ASTN2: variants seen among roughly 807,000 people sequenced by gnomAD.
ASTN2 encodes astrotactin-2.
In ASTN2, 54 loss-of-function variants were observed where a neutral mutation model predicts 139.8. The ratio of observed to expected loss-of-function variants is 0.39; its 90% CI spans 0.31 to 0.48. ASTN2 has a LOEUF of 0.48. Among genes scored for constraint, ASTN2 ranks in the 20% least tolerant of loss-of-function variants. The probability of loss-of-function intolerance (pLI) is 0.95; values close to 1 mark genes in which losing one functional copy is unlikely to be tolerated. For synonymous variants in ASTN2, 756 were observed against 719.5 expected (o/e 1.05, Z -0.81); for missense variants, 1,565 against 1,725.1 (o/e 0.91, Z 1.64).
chr9:116,449,169 A>C (rs1848099082), intron 20 of ASTN2, among the ~76,000 whole-genome samples: 1 of 152,024 alleles, frequency 6.6e-6, no homozygotes, highest in African/African-American at 2.4e-5. Context: ...ACTTTGGGAG[A>C]CCGAGGCAGG....
chr9:116,991,669 G>A (rs1836860966), intron 7 of ASTN2, among the ~76,000 whole-genome samples: 1 of 151,628 alleles, frequency 6.6e-6, no homozygotes, highest in Non-Finnish European at 1.5e-5. Context: ...CAGGGGCAGA[G>A]TCAGGGGCAG....
At position 117,389,887 on chromosome 9, in the gene ASTN2, AAGAC is replaced by A. The variant is rs59341786; in HGVS notation, c.442+24606_442+24609del. Among the ~76,000 whole-genome samples the A allele has an allele frequency of 8.1e-3, 1,232 of 152,156 alleles. 17 individuals carry two copies. Among genetic ancestry groups the A allele is most frequent in the African/African-American group, 0.028 (1,169 of 41,508 alleles). ...AAAAAAAGAACAGGGTGTTGTGAGAAAGACAGTGTATTCGGGGGTAGGTGAACAT... is the reference window on the plus strand; with the variant it reads ...AAAAAAAGAACAGGGTGTTGTGAGAAAGTGTATTCGGGGGTAGGTGAACAT... On this transcript the variant is annotated intron_variant, in intron 1 of 22. Transcript: ENST00000313400.
At chr9:116,713,669 G>A (rs1268884173) in intron 16 of ASTN2, among the ~76,000 whole-genome samples, 1 of 152,126 alleles carries the variant, frequency 6.6e-6, no homozygotes, top group Admixed American at 6.5e-5. Context: ...TAAGAGAATC[G>A]GAGCATGAAA....
chr9:116,920,119 A>G (rs1834560252), intron 10 of ASTN2, among the ~76,000 whole-genome samples: 1 of 152,110 alleles, frequency 6.6e-6, no homozygotes, highest in Non-Finnish European at 1.5e-5. Flanking sequence ...GGGTTGGATT[A>G]GATGCTCTCT....
At chr9:116,805,907 G>A (rs922231416) in intron 12 of ASTN2, 87 bp from the exon 13 acceptor site, 8 of 1,333,306 alleles carry the variant, frequency 6.0e-6, no homozygotes, top group African/African-American at 4.4e-5. Context: ...TCCTTTCCCT[G>A]CAAAACAGGT....
At chr9:117,218,298 C>A (rs900776635) in intron 2 of ASTN2, among the ~76,000 whole-genome samples, 2 of 152,208 alleles carry the variant, frequency 1.3e-5, no homozygotes, top group African/African-American at 4.8e-5. Context: ...GTGGCTATGG[C>A]TATCCCTTTA....
chr9:117,385,684 G>C (rs1015082432), intron 1 of ASTN2, among the ~76,000 whole-genome samples: 1 of 152,030 alleles, frequency 6.6e-6, no homozygotes, highest in African/African-American at 2.4e-5. Flanking sequence ...CTAGGCTTCT[G>C]TGTGCCCCTA....
intron 20 of ASTN2, among the ~76,000 whole-genome samples, chr9:116,463,470 C>G (rs1848554714): frequency 6.6e-6 from 1 of 152,190 alleles, no homozygotes; most frequent in Non-Finnish European, 1.5e-5. Context: ...TCAGCAATAC[C>G]AAACAACATA....
intron 1 of ASTN2, among the ~76,000 whole-genome samples, chr9:117,318,372 T>C (rs1828215145): frequency 6.6e-6 from 1 of 152,160 alleles, no homozygotes; most frequent in Non-Finnish European, 1.5e-5. Context: ...ATTATTATGG[T>C]GCATCTGAAT....
In ASTN2 at chr9:116,733,272, C is replaced by T. The variant is rs1004263532; in HGVS notation, c.2521+127G>A. 2.8e-5 allele frequency: 37 copies of T among 1,329,368 alleles called. 2 individuals are homozygous for T. The highest frequency in any genetic ancestry group is 5.4e-4 in the Middle Eastern group (2 of 3,680). The allele number at this position is 1,329,368 out of a possible 1,614,324, so 82.3% of individuals were successfully genotyped here. A position where few individuals can be genotyped will look rare whatever the true frequency, so the allele number is the denominator to read the frequency against. ...AAGAAAGGGTAAGTTCCTTCCCATACCCTTCCTCATGAAGGAGGAGGCTTG... is the reference window on the plus strand; with the variant it reads ...AAGAAAGGGTAAGTTCCTTCCCATATCCTTCCTCATGAAGGAGGAGGCTTG... On this transcript the variant is annotated intron_variant, in intron 14 of 22. Coordinates refer to ENST00000313400, the MANE Select transcript of ASTN2 (RefSeq NM_001365068.1).
intron 19 of ASTN2, chr9:116,583,633 C>T (rs1057172561): frequency 6.6e-6 from 1 of 151,520 alleles, no homozygotes; most frequent in Non-Finnish European, 1.5e-5. Flanking sequence ...GGAAAAGCAA[C>T]TTTCCAAAAG....
At chr9:117,237,202 C>T (rs941570170) in intron 2 of ASTN2, among the ~76,000 whole-genome samples, 4 of 152,096 alleles carry the variant, frequency 2.6e-5, no homozygotes, top group Non-Finnish European at 5.9e-5. Flanking sequence ...TGACAAAAAA[C>T]GCAATTACTT....
At chr9:117,361,049 G>A (rs1412760391) in intron 1 of ASTN2, among the ~76,000 whole-genome samples, 1 of 151,990 alleles carries the variant, frequency 6.6e-6, no homozygotes, top group South Asian at 2.1e-4. Flanking sequence ...AATCTCAGGG[G>A]GATTGAGACA....
At chr9:117,064,266 C>T (rs1037874046) in intron 5 of ASTN2, among the ~76,000 whole-genome samples, 1 of 152,104 alleles carries the variant, frequency 6.6e-6, no homozygotes, top group Admixed American at 6.5e-5. Flanking sequence ...CCAGTGCTTC[C>T]TCCAAGCTGC....
At chr9:116,791,039 G>GAAAGAAAGAAAGA (rs1554746886) in intron 13 of ASTN2, among the ~76,000 whole-genome samples, 19 of 82,140 alleles carry the variant, frequency 2.3e-4, no homozygotes, top group South Asian at 5.1e-4. Context: ...AAGAAAGAAA[G>GAAAGAAAGAAAGA]AAAGAAAAGA....
intron 10 of ASTN2, among the ~76,000 whole-genome samples, chr9:116,867,138 GTGAAAAGATAAAAA>G (rs1373260870): frequency 6.6e-6 from 1 of 151,942 alleles, no homozygotes; most frequent in Non-Finnish European, 1.5e-5. Context: ...GAGAAAGGAT[GTGAAAAGATAAAAA>G]TGAAAAGATA....
intron 3 of ASTN2, among the ~76,000 whole-genome samples, chr9:117,150,151 C>A (rs1286922667): frequency 6.6e-6 from 1 of 152,188 alleles, no homozygotes; most frequent in Non-Finnish European, 1.5e-5. Flanking sequence ...ACAATACCTT[C>A]CAGGTTCTCT....
intron 1 of ASTN2, among the ~76,000 whole-genome samples, chr9:117,355,587 G>C (rs1466978148): frequency 6.6e-6 from 1 of 152,160 alleles, no homozygotes; most frequent in Non-Finnish European, 1.5e-5. Flanking sequence ...GGAGGCTGAG[G>C]GGCTGCCAGG....
intron 1 of ASTN2, among the ~76,000 whole-genome samples, chr9:117,326,900 A>G (rs532026059): frequency 2.8e-4 from 43 of 152,328 alleles, no homozygotes; most frequent in African/African-American, 8.7e-4. Context: ...TTACCAGTTA[A>G]TGGAGCAGTG....
Sources: allele counts gnomAD v4.1 joint callset (sites outside exome capture counted in the v4.1 genomes callset), GRCh38; gene constraint gnomAD v4.1.1; transcripts MANE v1.5; gene names NCBI Gene and HGNC (gene_info 2026-07-23, HGNC 2026-07-21).